Variants in ADAMTSL1 observed in about 807,000 individuals in gnomAD.
The protein encoded by ADAMTSL1 is ADAMTS-like protein 1.
A neutral mutation model predicts 201.8 loss-of-function variants in ADAMTSL1; 126 were observed. The observed-to-expected ratio is 0.62, with a 90% CI of 0.54 to 0.72. The LOEUF is 0.72. ADAMTSL1 is among the 30% of genes least tolerant of loss of function. The pLI is 0.00. For synonymous variants in ADAMTSL1, 1,121 were observed against 903.4 expected (o/e 1.24, Z -4.32); for missense variants, 2,679 against 2,277.8 (o/e 1.18, Z -3.59).
chr9:18,739,083 A>G (rs1344284763), intron 15 of ADAMTSL1, among the ~76,000 whole-genome samples: 1 of 152,238 alleles, frequency 6.6e-6, no homozygotes, highest in East Asian at 1.9e-4. Context: ...ATGGTATAAT[A>G]ATAGTACCTA....
intron 13 of ADAMTSL1, among the ~76,000 whole-genome samples, chr9:18,692,915 G>T (rs1384451818): frequency 2.0e-5 from 3 of 152,170 alleles, no homozygotes; most frequent in African/African-American, 7.2e-5. Flanking sequence ...TGTTCATTTA[G>T]ATCAGAAAAG....
chr9:18,258,608 C>T (rs1468448688), intron 2 of ADAMTSL1, among the ~76,000 whole-genome samples: 1 of 152,182 alleles, frequency 6.6e-6, no homozygotes, highest in Non-Finnish European at 1.5e-5. Context: ...TCTCCACACC[C>T]ACCGCCAGTG....
At chr9:18,160,226 A>G (rs1827323738) in intron 1 of ADAMTSL1, among the ~76,000 whole-genome samples, 1 of 152,064 alleles carries the variant, frequency 6.6e-6, no homozygotes, top group Non-Finnish European at 1.5e-5. Context: ...AGATTGCAAG[A>G]AGGAGAAGCA....
At chr9:18,570,695 TAAACTC>T (rs1822240022) in intron 3 of ADAMTSL1, among the ~76,000 whole-genome samples, 2 of 152,194 alleles carry the variant, frequency 1.3e-5, no homozygotes, top group African/African-American at 4.8e-5. Flanking sequence ...CAAGTACAAA[TAAACTC>T]AAACACTAAA....
At chr9:18,301,890 T>C (rs1004824905) in intron 2 of ADAMTSL1, among the ~76,000 whole-genome samples, 1 of 152,224 alleles carries the variant, frequency 6.6e-6, no homozygotes, top group African/African-American at 2.4e-5. Context: ...ATTATTTTGA[T>C]AAAAATAGAA....
At chr9:17,934,384 C>T (rs1826918266) in intron 1 of ADAMTSL1, among the ~76,000 whole-genome samples, 1 of 152,114 alleles carries the variant, frequency 6.6e-6, no homozygotes, top group African/African-American at 2.4e-5. Flanking sequence ...CCTTACTTCC[C>T]TCCTTGGCTA....
At chr9:18,891,184 G>T (rs981566488) in intron 25 of ADAMTSL1, among the ~76,000 whole-genome samples, 1 of 152,232 alleles carries the variant, frequency 6.6e-6, no homozygotes, top group Non-Finnish European at 1.5e-5. Context: ...GCTTGGCTAG[G>T]ACGAAGCCAT....
chr9:18,095,416 C>CCTTTTTTTT (rs1371286278), intron 1 of ADAMTSL1, among the ~76,000 whole-genome samples: 1 of 100,130 alleles, frequency 1.0e-5, no homozygotes. Context: ...TTCTTTCTTT[C>CCTTTTTTTT]TTTTTTTTTT....
chr9:18,340,315 C>T (rs565607279), intron 2 of ADAMTSL1, among the ~76,000 whole-genome samples: 7 of 152,258 alleles, frequency 4.6e-5, no homozygotes, highest in Admixed American at 4.6e-4. Flanking sequence ...ATTATCAAGA[C>T]TTTAATTATC....
At chr9:18,488,432 C>T (rs1822105371) in intron 1 of ADAMTSL1, among the ~76,000 whole-genome samples, 1 of 152,264 alleles carries the variant, frequency 6.6e-6, no homozygotes, top group East Asian at 1.9e-4. Context: ...TGAGTATAGA[C>T]CTCTGTGTAT....
rs1833094682 is a variant in ADAMTSL1 at position 18,718,309 on chromosome 9, T to C, written c.1877-3227T>C. On this transcript the variant is annotated intron_variant, in intron 14 of 28. Transcript: ENST00000380548. ...TAAACTAATGCAAAGCCTTGTCCATTTCTCATGTACAAATCCCTCCTTGCT... is the reference window on the plus strand; with the variant it reads ...TAAACTAATGCAAAGCCTTGTCCATCTCTCATGTACAAATCCCTCCTTGCT... 3 of 746,044 alleles carry C rather than the reference T, an allele frequency of 4.0e-6. No homozygotes were observed. The Admixed American group carries it at 5.3e-5, about 13-fold the overall frequency. The allele number at this position is 746,044 out of a possible 1,614,324, so 46.2% of individuals were successfully genotyped here.
At chr9:18,373,621 CGGAGATTTTG>C (rs1587001413) in intron 2 of ADAMTSL1, among the ~76,000 whole-genome samples, 2,023 of 130,476 alleles carry the variant, frequency 0.016, no homozygotes, top group Admixed American at 0.029. Context: ...CTAAACCCAA[CGGAGATTTTG>C]GAGATCTACA....
intron 2 of ADAMTSL1, among the ~76,000 whole-genome samples, chr9:18,371,863 C>T (rs1436732551): frequency 6.6e-6 from 1 of 152,200 alleles, no homozygotes; most frequent in Non-Finnish European, 1.5e-5. Flanking sequence ...AACGAAGTTT[C>T]TTCCCTACAA....
chr9:18,806,934 G>A (rs1823167131), intron 20 of ADAMTSL1, among the ~76,000 whole-genome samples: 1 of 143,434 alleles, frequency 7.0e-6, no homozygotes, highest in Non-Finnish European at 1.5e-5. Flanking sequence ...CTCCTGTTGT[G>A]TAAGAGCTGC....
At chr9:18,222,770 T>C (rs1033127048) in intron 2 of ADAMTSL1, among the ~76,000 whole-genome samples, 1 of 151,932 alleles carries the variant, frequency 6.6e-6, no homozygotes. Flanking sequence ...TTACCATAAT[T>C]GTTTGCCTGC....
intron 7 of ADAMTSL1, among the ~76,000 whole-genome samples, chr9:18,640,837 T>C (rs748061777): frequency 1.1e-4 from 16 of 152,038 alleles, no homozygotes; most frequent in Non-Finnish European, 2.1e-4. Flanking sequence ...CTTTTTCTCA[T>C]CTGAACTAGT....
intron 3 of ADAMTSL1, among the ~76,000 whole-genome samples, chr9:18,556,169 C>G (rs1218872338): frequency 6.6e-6 from 1 of 151,882 alleles, no homozygotes; most frequent in Non-Finnish European, 1.5e-5. Flanking sequence ...GAAGTTGCCT[C>G]TGTCCAGAAG....
intron 2 of ADAMTSL1, among the ~76,000 whole-genome samples, chr9:18,207,111 G>A (rs192440137): frequency 1.3e-5 from 2 of 152,096 alleles, no homozygotes; most frequent in East Asian, 3.9e-4. Context: ...ATTGCAGTGA[G>A]CTGAGATCCC....
At chr9:18,541,568 C>T (rs996937512) in intron 3 of ADAMTSL1, among the ~76,000 whole-genome samples, 1 of 151,600 alleles carries the variant, frequency 6.6e-6, no homozygotes, top group Non-Finnish European at 1.5e-5. Context: ...TTTAAAGGAT[C>T]TATTTTTCAC....
Sources: gnomAD v4.1 joint callset for allele counts (sites outside exome capture counted in the v4.1 genomes callset) on GRCh38, gnomAD v4.1.1 for gene constraint, MANE v1.5 for transcripts, NCBI Gene and HGNC (gene_info 2026-07-23, HGNC 2026-07-21) for gene names.